Variants in FGF1 observed in about 807,000 individuals in gnomAD.
FGF1 encodes beta-endothelial cell growth factor.
In FGF1, 9 loss-of-function variants were observed where a neutral mutation model predicts 13.4. The ratio of observed to expected loss-of-function variants is 0.67; its 90% CI spans 0.40 to 1.17. FGF1 has a LOEUF of 1.17. FGF1 is among the 50% of genes most tolerant of loss of function. The pLI is 0.01. For missense variants in FGF1, 156 were observed against 192.7 expected (o/e 0.81, Z 1.13); for synonymous variants, 93 against 79.0 (o/e 1.18, Z -0.94).
intron 2 of FGF1, among the ~76,000 whole-genome samples, chr5:142,693,095 A>G (rs1752498350): frequency 6.6e-6 from 1 of 152,156 alleles, no homozygotes; most frequent in African/African-American, 2.4e-5. Context: ...TTTAGACTCT[A>G]AGGAGAAATT....
chr5:142,687,480 G>A (rs1751447129), upstream of FGF1, among the ~76,000 whole-genome samples: 1 of 152,192 alleles, frequency 6.6e-6, no homozygotes, highest in Admixed American at 6.5e-5. Context: ...TTGATTTCTT[G>A]AGACCCTATT....
intron 2 of FGF1, among the ~76,000 whole-genome samples, chr5:142,605,571 G>A (rs181750277): frequency 1.3e-5 from 2 of 152,288 alleles, no homozygotes; most frequent in East Asian, 3.9e-4. Context: ...GCCTCATAGA[G>A]GTAAACAAGA....
intron 1 of FGF1, among the ~76,000 whole-genome samples, chr5:142,629,877 T>TAATA (rs1309938101): frequency 2.4e-4 from 33 of 137,550 alleles, no homozygotes; most frequent in African/African-American, 5.1e-4. Flanking sequence ...TACATATATA[T>TAATA]TATATATATA....
At chr5:142,669,954 A>G (rs1308674362) in intron 1 of FGF1, among the ~76,000 whole-genome samples, 3 of 152,116 alleles carry the variant, frequency 2.0e-5, no homozygotes, top group Non-Finnish European at 4.4e-5. Flanking sequence ...CAAGAAGTAC[A>G]GGATCACAGC....
chr5:142,622,086 G>A (rs1761737502), intron 1 of FGF1, among the ~76,000 whole-genome samples: 1 of 152,212 alleles, frequency 6.6e-6, no homozygotes, highest in Non-Finnish European at 1.5e-5. Flanking sequence ...TCAGCTCCAT[G>A]ATAGTACAAA....
At chr5:142,635,394 G>A (rs1160401962) in intron 1 of FGF1, among the ~76,000 whole-genome samples, 1 of 151,980 alleles carries the variant, frequency 6.6e-6, no homozygotes, top group Non-Finnish European at 1.5e-5. Flanking sequence ...ACCTGGCACA[G>A]GCCCTTCCCT....
At chr5:142,618,553 T>C (rs1252569443) in intron 1 of FGF1, among the ~76,000 whole-genome samples, 3 of 152,216 alleles carry the variant, frequency 2.0e-5, no homozygotes, top group Admixed American at 6.5e-5. Context: ...TCAGCTGTGA[T>C]TAAATGCTTA....
chr5:142,653,013 T>A (rs952190755), intron 1 of FGF1, among the ~76,000 whole-genome samples: 1 of 152,228 alleles, frequency 6.6e-6, no homozygotes, highest in Admixed American at 6.5e-5. Flanking sequence ...CTCGTTTTCT[T>A]CCCTGGGTAT....
chr5:142,601,924 T>A (rs1161113373), intron 2 of FGF1, among the ~76,000 whole-genome samples: 2 of 152,214 alleles, frequency 1.3e-5, no homozygotes, highest in Admixed American at 1.3e-4. Flanking sequence ...TAATTCACAT[T>A]TGGGAATTGG....
At chr5:142,637,195 C>T (rs1411938182) in intron 1 of FGF1, among the ~76,000 whole-genome samples, 4 of 151,950 alleles carry the variant, frequency 2.6e-5, no homozygotes, top group Admixed American at 6.5e-5. Context: ...ATGAACTAAA[C>T]TCGAATTTTA....
intron 3 of FGF1, among the ~76,000 whole-genome samples, chr5:142,598,470 C>G (rs1755762954): frequency 6.6e-6 from 1 of 151,936 alleles, no homozygotes; most frequent in South Asian, 2.1e-4. Context: ...CCCCTCCCAC[C>G]CTAAATTACA....
chr5:142,678,699 G>A (rs1773122488), intron 1 of FGF1, among the ~76,000 whole-genome samples: 1 of 152,150 alleles, frequency 6.6e-6, no homozygotes, highest in African/African-American at 2.4e-5. Context: ...GCAACTTCAG[G>A]CAAAGTACAG....
intron 1 of FGF1, among the ~76,000 whole-genome samples, chr5:142,640,774 C>A (rs749084104): frequency 6.6e-6 from 1 of 152,020 alleles, no homozygotes; most frequent in Non-Finnish European, 1.5e-5. Context: ...CTGTGACATC[C>A]TGTGCATATT....
At chr5:142,628,667 T>A (rs1473033853) in intron 1 of FGF1, among the ~76,000 whole-genome samples, 1 of 152,222 alleles carries the variant, frequency 6.6e-6, no homozygotes, top group Non-Finnish European at 1.5e-5. Flanking sequence ...CCTTGTTTCT[T>A]TTTTTCTAAC....
upstream of FGF1, among the ~76,000 whole-genome samples, chr5:142,687,190 G>A (rs140773848): frequency 6.6e-6 from 1 of 152,288 alleles, no homozygotes; most frequent in African/African-American, 2.4e-5. Flanking sequence ...GATTCAGGTA[G>A]AGAGGTACAG....
intron 1 of FGF1, among the ~76,000 whole-genome samples, chr5:142,631,970 G>A (rs1763453130): frequency 6.6e-6 from 1 of 151,978 alleles, no homozygotes; most frequent in African/African-American, 2.4e-5. Context: ...ATTTTTAGTA[G>A]AGATGGAGTT....
chr5:142,608,380 T>C (rs1319392261), intron 2 of FGF1, among the ~76,000 whole-genome samples: 6 of 151,946 alleles, frequency 3.9e-5, no homozygotes, highest in Non-Finnish European at 7.4e-5. Flanking sequence ...TGCGGTTGTT[T>C]TATGTCAGTG....
intron 1 of FGF1, among the ~76,000 whole-genome samples, chr5:142,614,514 T>C (rs1759788656): frequency 1.3e-5 from 2 of 152,152 alleles, no homozygotes; most frequent in South Asian, 4.1e-4. Context: ...AACACCAAAG[T>C]TGCACTAAAA....
At chr5:142,649,511 A>G (rs1766817608) in intron 1 of FGF1, among the ~76,000 whole-genome samples, 1 of 151,630 alleles carries the variant, frequency 6.6e-6, no homozygotes, top group Non-Finnish European at 1.5e-5. Flanking sequence ...GGTTCACGCC[A>G]TTCTCCTGCC....
Sources: gnomAD v4.1 joint callset for allele counts (sites outside exome capture counted in the v4.1 genomes callset) on GRCh38, gnomAD v4.1.1 for gene constraint, MANE v1.5 for transcripts, NCBI Gene and HGNC (gene_info 2026-07-23, HGNC 2026-07-21) for gene names.